ERGIC3: variants seen among roughly 807,000 people sequenced by gnomAD.
The protein encoded by ERGIC3 is ERGIC and golgi 3.
A neutral mutation model predicts 54.7 loss-of-function variants in ERGIC3; 33 were observed. The observed-to-expected ratio is 0.60, with a 90% CI of 0.46 to 0.81. The LOEUF (loss-of-function observed/expected upper bound fraction) is 0.81. ERGIC3 is among the 30% of genes least tolerant of loss of function. The probability of loss-of-function intolerance (pLI) is 0.00; values close to 1 mark genes in which losing one functional copy is unlikely to be tolerated. For missense variants in ERGIC3, 399 were observed against 488.4 expected (o/e 0.82, Z 1.73); for synonymous variants, 186 against 189.8 (o/e 0.98, Z 0.16).
At chr20:35,555,993 A>T in intron 8 of ERGIC3, 40 bp from the exon 9 acceptor site, 2 of 1,591,350 alleles carry the variant, frequency 1.3e-6, no homozygotes, top group Non-Finnish European at 1.7e-6. Context: ...TGCTACTGTC[A>T]TCAGAGCTTT....
At chr20:35,547,290 C>G (rs1601362101) in intron 4 of ERGIC3, 122 bp from the exon 5 acceptor site, 2 of 701,578 alleles carry the variant, frequency 2.9e-6, no homozygotes, top group East Asian at 2.7e-5. Flanking sequence ...GTAGCATGTA[C>G]TATATGAATA....
At position 35,557,561 on chromosome 20, in the gene ERGIC3, GC is replaced by G; in HGVS notation, c.*59del. ...CTCCCTGGCCTGTGGTTGTCCCCCA[GC>G]CTCTGCCACCCTCCACCTCCTCGGT... On this transcript the variant is annotated 3_prime_UTR_variant, in exon 13 of 13. Transcript: ENST00000348547. 6.7e-7 allele frequency: 1 copy of G among 1,495,480 alleles called. No individual in the cohort carries two copies. The highest frequency in any genetic ancestry group is 9.3e-7 in the Non-Finnish European group (1 of 1,074,260). The allele number at this position is 1,495,480 out of a possible 1,614,324, so 92.6% of individuals were successfully genotyped here. A position where few individuals can be genotyped will look rare whatever the true frequency, so the allele number is the denominator to read the frequency against.
At chr20:35,551,690 G>A (rs1340036456) in intron 7 of ERGIC3, among the ~76,000 whole-genome samples, 1 of 152,226 alleles carries the variant, frequency 6.6e-6, no homozygotes, top group Non-Finnish European at 1.5e-5. Flanking sequence ...AGCTGGGAAT[G>A]TGGCATCCTG....
intron 4 of ERGIC3, chr20:35,545,417 ATT>A (rs1026050295): frequency 1.3e-5 from 2 of 151,802 alleles, no homozygotes; most frequent in African/African-American, 4.8e-5. Context: ...AAAAAAAAAA[ATT>A]AGCCGGGTGT....
intron 3 of ERGIC3, 79 bp from the exon 4 acceptor site, chr20:35,542,743 A>C: frequency 1.2e-6 from 2 of 1,611,080 alleles, no homozygotes; most frequent in Non-Finnish European, 1.7e-6. Context: ...AGACAGGCCC[A>C]GTATCCCCTT....
At chr20:35,556,881 A>T in intron 10 of ERGIC3, 92 bp from the exon 11 acceptor site, 1 of 1,571,548 alleles carries the variant, frequency 6.4e-7, no homozygotes, top group Non-Finnish European at 8.7e-7. Flanking sequence ...GCCAAGGCTC[A>T]ACAGGAAAGG....
chr20:35,556,155 G>A (rs1463681777), intron 9 of ERGIC3, 26 bp downstream of exon 9: 3 of 1,614,142 alleles, frequency 1.9e-6, no homozygotes, highest in East Asian at 2.2e-5. Context: ...GCAGCCCCCA[G>A]CCGCAGAAGG....
At chr20:35,547,304 GTTA>G in intron 4 of ERGIC3, 105 bp from the exon 5 acceptor site, 2 of 773,422 alleles carry the variant, frequency 2.6e-6, no homozygotes, top group Non-Finnish European at 4.5e-6. Context: ...ATGAATATTA[GTTA>G]TTATAACTTT....
intron 7 of ERGIC3, among the ~76,000 whole-genome samples, chr20:35,553,492 G>A (rs1188972742): frequency 6.6e-6 from 1 of 152,110 alleles, no homozygotes; most frequent in African/African-American, 2.4e-5. Context: ...GCAGGGTTGG[G>A]GAAGGTGGGA....
chr20:35,548,402 A>G lies in ERGIC3; in HGVS notation c.462-107A>G, dbSNP rs1017987261. ...ATGTTTGGTGGTCAGGGATGAGGCT[A>G]GCAGAGCCTTCATTAGCAGGCAGAG... On this transcript the variant is annotated intron_variant, in intron 5 of 12. Coordinates refer to ENST00000348547, the MANE Select transcript of ERGIC3 (RefSeq NM_015966.3). The G allele has an allele frequency of 5.0e-6, 6 of 1,201,348 alleles. No homozygotes were observed. The African/African-American group carries it at 6.0e-5, about 12-fold the overall frequency. 74.4% of individuals were successfully genotyped at this position (1,201,348 alleles called of 1,614,324 possible).
At chr20:35,550,855 A>G (rs1439885288) in intron 7 of ERGIC3, among the ~76,000 whole-genome samples, 1 of 152,168 alleles carries the variant, frequency 6.6e-6, no homozygotes, top group Admixed American at 6.5e-5. Context: ...AATCCAGGCA[A>G]AAGATGGTGG....
rs1382162494 is a variant in ERGIC3, at chr20:35,556,112, A to G, written c.797A>G (p.Asn266Ser). The change falls in exon 9 of 13, where the codon AAT (asparagine) becomes AGT (serine). Residue 266 changes from asparagine to serine, a missense_variant. Coordinates refer to ENST00000348547, the MANE Select transcript of ERGIC3 (RefSeq NM_015966.3). The stretch of plus-strand genomic sequence containing the variant: ...ATTGTGAACCCCCTGGACCACACCA[A>G]TGTCACTGCGCCCCAAGGTACCAGC... ...PGIVNPLDHT[N>S]VTAPQASMMF... is the part of the protein sequence containing the mutation. The G allele has an allele frequency of 3.1e-6, 5 of 1,614,050 alleles. No individual in the cohort carries two copies. The highest frequency in any genetic ancestry group is 1.1e-5 in the South Asian group (1 of 91,086).
Position 35,556,218 on chromosome 20 carries a change from T to A in ERGIC3, c.826T>A (p.Phe276Ile). Reference sequence around the variant, plus strand: ...TGTTTTCCCCTCAGCCTCCATGATGTTCCAGTACTTTGTGAAGGTGGTGCC... The same window carrying A: ...TGTTTTCCCCTCAGCCTCCATGATGATCCAGTACTTTGTGAAGGTGGTGCC... ...NVTAPQASMMFQYFVKVVPTV... is the reference protein window; with the variant it reads ...NVTAPQASMMIQYFVKVVPTV... Residue 276 changes from phenylalanine (F) to isoleucine (I), a missense_variant, in exon 10 of 13, where the codon TTC becomes ATC. Coordinates refer to ENST00000348547, the MANE Select transcript of ERGIC3 (RefSeq NM_015966.3). 6.2e-7 allele frequency: 1 copy of A among 1,614,170 alleles called. No individual in the cohort carries two copies. The highest frequency in any genetic ancestry group is 8.5e-7 in the Non-Finnish European group (1 of 1,180,024).
At chr20:35,549,082 T>C in intron 7 of ERGIC3, 1 of 675,392 alleles carries the variant, frequency 1.5e-6, no homozygotes, top group Non-Finnish European at 2.8e-6. Context: ...TTACTGGCTG[T>C]GTGACTTTGA....
chr20:35,546,851 T>G (rs760866948), intron 4 of ERGIC3, among the ~76,000 whole-genome samples: 1 of 151,986 alleles, frequency 6.6e-6, no homozygotes, highest in Non-Finnish European at 1.5e-5. Flanking sequence ...AGTATGAAAA[T>G]GGGTAGCTGA....
intron 4 of ERGIC3, 49 bp downstream of exon 4, chr20:35,542,990 C>G: frequency 6.2e-7 from 1 of 1,611,236 alleles, no homozygotes; most frequent in Non-Finnish European, 8.5e-7. Flanking sequence ...TGGATGTACC[C>G]AAGCCTATCT....
At position 35,544,175 on chromosome 20, in the gene ERGIC3, C is replaced by T. The variant is rs2064634612; in HGVS notation, c.367+1234C>T. 3.2e-5 allele frequency: 6 copies of T among 186,608 alleles called. No individual in the cohort carries two copies. The South Asian group carries it at 6.5e-4, about 20-fold the overall frequency. 11.6% of individuals were successfully genotyped at this position (186,608 alleles called of 1,614,324 possible). On this transcript the variant is annotated intron_variant, in intron 4 of 12. Transcript: ENST00000348547. ...GTTCAAGTGATTCTCCTGCCTCAAC[C>T]TCCCGAGTAGCTGGGATTACAGGCC...
At chr20:35,544,414 G>T in intron 4 of ERGIC3, 1 of 298,450 alleles carries the variant, frequency 3.4e-6, no homozygotes, top group Non-Finnish European at 6.7e-6. Context: ...TTCAGAGAGA[G>T]GGCAGGACAG....
intron 7 of ERGIC3, among the ~76,000 whole-genome samples, chr20:35,550,509 G>A (rs575024035): frequency 6.6e-6 from 1 of 152,198 alleles, no homozygotes; most frequent in African/African-American, 2.4e-5. Context: ...CCAGCTACTC[G>A]GGAGGCTGAG....
Sources: allele counts gnomAD v4.1 joint callset (sites outside exome capture counted in the v4.1 genomes callset), GRCh38; gene constraint gnomAD v4.1.1; transcripts MANE v1.5; gene names NCBI Gene and HGNC (gene_info 2026-07-23, HGNC 2026-07-21).